The following MRTFB variants were observed in gnomAD, a reference collection of about 807,000 sequenced individuals.
MRTFB encodes myocardin-related transcription factor B.
A neutral mutation model predicts 104.2 loss-of-function variants in MRTFB; 29 were observed. The ratio of observed to expected loss-of-function variants is 0.28; its 90% CI spans 0.21 to 0.38. The LOEUF is 0.38. Ranked by LOEUF, MRTFB falls within the 10% of genes least tolerant of loss-of-function variation. MRTFB has a pLI of 1.00. For synonymous variants in MRTFB, 535 were observed against 519.5 expected (o/e 1.03, Z -0.41); for missense variants, 1,270 against 1,341.6 (o/e 0.95, Z 0.83).
the MRTFB span, among the ~76,000 whole-genome samples, chr16:13,999,309 T>C: frequency 5.0e-4 from 76 of 152,186 alleles, no homozygotes; most frequent in Admixed American, 1.4e-3. Context: ...CTCAGCATAT[T>C]TCTTTCCTTT....
At chr16:14,130,101 G>T (rs920751568) in intron 2 of MRTFB, among the ~76,000 whole-genome samples, 1 of 152,176 alleles carries the variant, frequency 6.6e-6, no homozygotes, top group Non-Finnish European at 1.5e-5. Flanking sequence ...AAGGTGCTGG[G>T]ATTACTGGTG....
chr16:14,240,588 T>C (rs1461340360), intron 10 of MRTFB, 104 bp downstream of exon 10: 1 of 1,563,472 alleles, frequency 6.4e-7, no homozygotes, highest in East Asian at 2.2e-5. Context: ...TTGTGCTCAG[T>C]AATGATTTTC....
In MRTFB at chr16:14,178,763, T is replaced by C. The variant is rs925490139; in HGVS notation, c.155-31480T>C. Among the ~76,000 whole-genome samples the C allele has an allele frequency of 6.0e-4, 91 of 152,026 alleles. 1 individual carries two copies. The highest frequency in any genetic ancestry group is 1.3e-3 in the African/African-American group (53 of 41,402). On this transcript the variant is annotated intron_variant, in intron 3 of 16. Transcript: ENST00000571589. ...GAGGTTTTTTTTGTTTGTTTTTTTT[T>C]CCCTGAGACAAGTTCTCACTTCGTC...
chr16:14,147,671 A>G (rs1397649529), intron 3 of MRTFB, among the ~76,000 whole-genome samples: 1 of 152,192 alleles, frequency 6.6e-6, no homozygotes, highest in Admixed American at 6.5e-5. Context: ...CTGCGGGAGT[A>G]GCAGCATCAG....
the MRTFB span, among the ~76,000 whole-genome samples, chr16:14,062,739 C>T: frequency 6.6e-6 from 1 of 152,196 alleles, no homozygotes; most frequent in African/African-American, 2.4e-5. Context: ...TGAGGCTAAG[C>T]TTCTAGGAAA....
intron 2 of MRTFB, among the ~76,000 whole-genome samples, chr16:14,108,879 A>G (rs928700830): frequency 1.3e-5 from 2 of 152,160 alleles, no homozygotes; most frequent in Non-Finnish European, 2.9e-5. Context: ...GTAGCTTGAT[A>G]TTTGGGACTT....
chr16:14,161,224 C>T (rs746457273), intron 3 of MRTFB, among the ~76,000 whole-genome samples: 12 of 149,900 alleles, frequency 8.0e-5, no homozygotes, highest in South Asian at 2.1e-4. Context: ...GTGAACAAAG[C>T]CAGAGGACTT....
the MRTFB span, among the ~76,000 whole-genome samples, chr16:14,012,552 C>T: frequency 6.6e-6 from 1 of 152,100 alleles, no homozygotes; most frequent in East Asian, 1.9e-4. Flanking sequence ...CCCACCTTGG[C>T]CTCCCAAAGT....
chr16:14,174,552 G>T (rs942713060), intron 3 of MRTFB, among the ~76,000 whole-genome samples: 1 of 151,850 alleles, frequency 6.6e-6, no homozygotes, highest in Middle Eastern at 3.2e-3. Context: ...GCATGGTGGC[G>T]CACACCTGTA....
intron 8 of MRTFB, among the ~76,000 whole-genome samples, chr16:14,222,533 C>G (rs1398006154): frequency 1.3e-5 from 2 of 151,398 alleles, no homozygotes; most frequent in African/African-American, 4.9e-5. Flanking sequence ...AGATTGGACA[C>G]CCCTGGCTTA....
At position 14,136,514 on chromosome 16, in the gene MRTFB, C is replaced by T. The variant is rs570978110; in HGVS notation, c.-63-4030C>T. On this transcript the variant is annotated intron_variant, in intron 2 of 16. Coordinates refer to ENST00000571589, the MANE Select transcript of MRTFB (RefSeq NM_001308142.2). ...TTGTAGCAGAATCTCTGGAGATTCCCCACCAACAACCCCTACCCATCAGGG... is the reference window on the plus strand; with the variant it reads ...TTGTAGCAGAATCTCTGGAGATTCCTCACCAACAACCCCTACCCATCAGGG... Among the ~76,000 whole-genome samples the T allele has an allele frequency of 2.0e-5, 3 of 152,162 alleles. No individual in the cohort carries two copies. In the East Asian group the frequency reaches 5.8e-4, roughly 29 times the overall value.
At chr16:14,231,289 TAAAATAAAAAATA>T (rs1186022731) in intron 8 of MRTFB, among the ~76,000 whole-genome samples, 1 of 141,040 alleles carries the variant, frequency 7.1e-6, no homozygotes, top group Non-Finnish European at 1.5e-5. Context: ...ATAATAATAA[TAAAATAAAAAATA>T]AAAATAAATT....
the MRTFB span, among the ~76,000 whole-genome samples, chr16:13,995,964 A>G: frequency 6.6e-6 from 1 of 151,956 alleles, no homozygotes; most frequent in African/African-American, 2.4e-5. Flanking sequence ...CTTTCCATAC[A>G]TTTATCCTTA....
the MRTFB span, among the ~76,000 whole-genome samples, chr16:14,039,761 T>C: frequency 3.2e-4 from 1 of 3,098 alleles, no homozygotes; most frequent in African/African-American, 5.9e-4. Context: ...TAATATGTTC[T>C]TTTTTTTTTT....
chr16:14,047,402 A>G, the MRTFB span, among the ~76,000 whole-genome samples: 1 of 152,208 alleles, frequency 6.6e-6, no homozygotes, highest in Non-Finnish European at 1.5e-5. Flanking sequence ...AGGCAGTGAT[A>G]GCCAATTTCT....
chr16:14,259,822 G>C (rs888223578), intron 16 of MRTFB, among the ~76,000 whole-genome samples: 7 of 152,176 alleles, frequency 4.6e-5, no homozygotes, highest in African/African-American at 1.7e-4. Context: ...TTTCAAAACA[G>C]TTTTAGAGAT....
the MRTFB span, among the ~76,000 whole-genome samples, chr16:13,996,216 G>C: frequency 1.7e-3 from 264 of 151,998 alleles, 3 homozygotes; most frequent in African/African-American, 6.0e-3. Flanking sequence ...AGGTTGCAGT[G>C]AGCCAAGATC....
rs150012891 is a variant in MRTFB, at chr16:14,137,867, G to A, written c.-63-2677G>A. ...TTCTGTCTCTTTTAATTAGAGCGTT[G>A]AGACCATTTACATTTAATGTAATTA... is the stretch of plus-strand genomic sequence containing the variant. On this transcript the variant is annotated intron_variant, in intron 2 of 16. Transcript: ENST00000571589. 6.0e-3 allele frequency among the ~76,000 whole-genome samples: 906 copies of A among 152,080 alleles called. 10 individuals are homozygous for A. The highest frequency in any genetic ancestry group is 0.02 in the African/African-American group (848 of 41,488).
the MRTFB span, among the ~76,000 whole-genome samples, chr16:14,024,296 C>G: frequency 6.6e-6 from 1 of 152,170 alleles, no homozygotes; most frequent in Non-Finnish European, 1.5e-5. Context: ...CATAAGTCAT[C>G]AAGCATGCAT....
Sources: allele counts gnomAD v4.1 joint callset (sites outside exome capture counted in the v4.1 genomes callset), GRCh38; gene constraint gnomAD v4.1.1; transcripts MANE v1.5; gene names NCBI Gene and HGNC (gene_info 2026-07-23, HGNC 2026-07-21).